Variants in THSD7A observed in about 807,000 individuals in gnomAD.
THSD7A encodes thrombospondin type-1 domain-containing protein 7A.
A neutral mutation model predicts 231.3 loss-of-function variants in THSD7A; 96 were observed. The observed-to-expected ratio is 0.41, with a 90% CI of 0.35 to 0.49. The LOEUF (loss-of-function observed/expected upper bound fraction) is 0.49. Among genes scored for constraint, THSD7A ranks in the 20% least tolerant of loss-of-function variants. The pLI is 0.05. For missense variants in THSD7A, 2,290 were observed against 2,070.2 expected (o/e 1.11, Z -2.06); for synonymous variants, 940 against 743.3 (o/e 1.26, Z -4.30).
chr7:11,456,377 C>T (rs2128296960), intron 11 of THSD7A, among the ~76,000 whole-genome samples: 1 of 152,016 alleles, frequency 6.6e-6, no homozygotes, highest in East Asian at 1.9e-4. Context: ...TCCTAACCTC[C>T]CCCAAAAAGA....
intron 4 of THSD7A, among the ~76,000 whole-genome samples, chr7:11,549,245 C>A (rs2128325473): frequency 6.6e-6 from 1 of 152,116 alleles, no homozygotes; most frequent in East Asian, 1.9e-4. Context: ...AGAAACAATA[C>A]ATGCTGGCAA....
At chr7:11,571,151 T>C (rs912584300) in intron 4 of THSD7A, among the ~76,000 whole-genome samples, 3 of 152,168 alleles carry the variant, frequency 2.0e-5, no homozygotes, top group African/African-American at 7.2e-5. Context: ...CAAACAGATA[T>C]GGGAAGGCAC....
intron 1 of THSD7A, among the ~76,000 whole-genome samples, chr7:11,796,795 G>C (rs1784138010): frequency 1.3e-5 from 2 of 151,808 alleles, no homozygotes; most frequent in Non-Finnish European, 2.9e-5. Flanking sequence ...TTTATACTAT[G>C]TTAGGTTTTG....
At chr7:11,392,233 G>A (rs1432732727) in intron 23 of THSD7A, among the ~76,000 whole-genome samples, 1 of 151,898 alleles carries the variant, frequency 6.6e-6, no homozygotes, top group African/African-American at 2.4e-5. Context: ...AGTAAGTGCA[G>A]CCCATGGAGG....
intron 4 of THSD7A, among the ~76,000 whole-genome samples, chr7:11,573,195 A>G (rs751903285): frequency 2.0e-5 from 3 of 152,096 alleles, no homozygotes; most frequent in Non-Finnish European, 4.4e-5. Flanking sequence ...TGCTACCTAT[A>G]CTATCACCTT....
intron 1 of THSD7A, among the ~76,000 whole-genome samples, chr7:11,812,505 T>C (rs1466392762): frequency 6.6e-6 from 1 of 152,118 alleles, no homozygotes; most frequent in Non-Finnish European, 1.5e-5. Context: ...AAGGAAACTG[T>C]AAGAGAAAAT....
chr7:11,450,393 T>C (rs1001637077), intron 11 of THSD7A, among the ~76,000 whole-genome samples: 1 of 152,014 alleles, frequency 6.6e-6, no homozygotes, highest in East Asian at 1.9e-4. Flanking sequence ...TCTGAGGTTT[T>C]AGACAGTGTA....
At chr7:11,700,831 A>G (rs534424537) in intron 1 of THSD7A, among the ~76,000 whole-genome samples, 1 of 150,946 alleles carries the variant, frequency 6.6e-6, no homozygotes, top group South Asian at 2.1e-4. Context: ...AATAAATTTC[A>G]TCTCCATGTA....
At position 11,557,532 on chromosome 7, in the gene THSD7A, C is replaced by T. The variant is rs187065655; in HGVS notation, c.1454-14415G>A. ...CATAAGGAGTGACTTTGATTGAAAC[C>T]CAGACATTTTTGCCTCATGTCACAA... On this transcript the variant is annotated intron_variant, in intron 4 of 27. Transcript: ENST00000423059. Among the ~76,000 whole-genome samples, 24 of 151,924 alleles carry T rather than the reference C, an allele frequency of 1.6e-4. No homozygotes were observed. The East Asian group carries it at 4.6e-3, about 29-fold the overall frequency.
At chr7:11,780,946 G>A (rs369950817) in intron 1 of THSD7A, among the ~76,000 whole-genome samples, 1 of 122,688 alleles carries the variant, frequency 8.2e-6, no homozygotes, top group Non-Finnish European at 1.6e-5. Context: ...AGCCGAGATT[G>A]CGCCACTGCA....
intron 6 of THSD7A, among the ~76,000 whole-genome samples, chr7:11,486,865 C>G (rs1786680577): frequency 6.6e-6 from 1 of 152,062 alleles, no homozygotes; most frequent in Non-Finnish European, 1.5e-5. Context: ...CTAAATGAAC[C>G]ATTGTCTACA....
At chr7:11,736,268 G>A (rs1471465235) in intron 1 of THSD7A, among the ~76,000 whole-genome samples, 3 of 152,124 alleles carry the variant, frequency 2.0e-5, no homozygotes, top group African/African-American at 7.2e-5. Context: ...CATGATAGGA[G>A]TAAGAGCAAA....
At chr7:11,825,677 C>T (rs1218507722) in intron 1 of THSD7A, among the ~76,000 whole-genome samples, 2 of 152,094 alleles carry the variant, frequency 1.3e-5, no homozygotes, top group Non-Finnish European at 2.9e-5. Flanking sequence ...CAGAAAACCC[C>T]TATAGAATGC....
chr7:11,464,392 G>A (rs1045993753), intron 9 of THSD7A, among the ~76,000 whole-genome samples: 1 of 152,058 alleles, frequency 6.6e-6, no homozygotes, highest in Non-Finnish European at 1.5e-5. Context: ...GAGACAATGA[G>A]TTCAGCATTA....
intron 4 of THSD7A, among the ~76,000 whole-genome samples, chr7:11,576,466 C>G (rs970654290): frequency 6.6e-6 from 1 of 152,166 alleles, no homozygotes; most frequent in African/African-American, 2.4e-5. Flanking sequence ...CTGCACACAG[C>G]ACGAATGCAT....
chr7:11,685,008 AC>A (rs1779986882), intron 1 of THSD7A, among the ~76,000 whole-genome samples: 1 of 152,016 alleles, frequency 6.6e-6, no homozygotes, highest in Admixed American at 6.6e-5. Context: ...ACTGCATGGT[AC>A]TGGTAGAAAA....
chr7:11,631,654 C>A (rs1003315128), intron 2 of THSD7A, among the ~76,000 whole-genome samples: 1 of 151,524 alleles, frequency 6.6e-6, no homozygotes, highest in Non-Finnish European at 1.5e-5. Context: ...AAGGTTACAG[C>A]AGAAAAAAAA....
chr7:11,461,438 T>G (rs1289052935), intron 10 of THSD7A, among the ~76,000 whole-genome samples: 2 of 152,202 alleles, frequency 1.3e-5, no homozygotes. Context: ...CAGATTTCTA[T>G]TAGATAATTT....
chr7:11,746,290 G>A (rs1782300262), intron 1 of THSD7A, among the ~76,000 whole-genome samples: 1 of 151,744 alleles, frequency 6.6e-6, no homozygotes, highest in African/African-American at 2.4e-5. Context: ...TAACATTTTA[G>A]CAAAACTAAG....
Sources: gnomAD v4.1 joint callset for allele counts (sites outside exome capture counted in the v4.1 genomes callset) on GRCh38, gnomAD v4.1.1 for gene constraint, MANE v1.5 for transcripts, NCBI Gene and HGNC (gene_info 2026-07-23, HGNC 2026-07-21) for gene names.